The following HDGFL2 variants were observed in gnomAD, a reference collection of about 807,000 sequenced individuals.
HDGFL2 encodes the protein hepatoma-derived growth factor-related protein 2.
Under a neutral mutation model 77.1 loss-of-function variants are expected in HDGFL2, and 36 were observed. The ratio of observed to expected loss-of-function variants is 0.47; its 90% CI spans 0.36 to 0.62. The LOEUF (loss-of-function observed/expected upper bound fraction) is 0.62, where lower values mean the gene tolerates loss of function less well. HDGFL2 is among the 20% of genes least tolerant of loss of function. The pLI is 0.00. For missense variants in HDGFL2, 976 were observed against 973.4 expected, an observed-to-expected ratio of 1.00 and a Z score of -0.04; for synonymous variants, 463 against 413.1, an observed-to-expected ratio of 1.12 and a Z score of -1.46.
chr19:4,501,188 C>A lies in HDGFL2; in HGVS notation c.1790-3C>A. The A allele has an allele frequency of 6.2e-7, 1 of 1,613,196 alleles. No individual in the cohort carries two copies. The highest frequency in any genetic ancestry group is 1.1e-5 in the South Asian group (1 of 91,070). ...TGTCCTGTGACCCCTCTGTCCCACCCAGATCTCTCAGCCCCAGTGAATGGC... is the reference window on the plus strand; with the variant it reads ...TGTCCTGTGACCCCTCTGTCCCACCAAGATCTCTCAGCCCCAGTGAATGGC... On this transcript the variant is annotated splice_region_variant and splice_polypyrimidine_tract_variant and intron_variant, in intron 14 of 15. Transcript: ENST00000616600.
intron 10 of HDGFL2, chr19:4,497,718 G>A: frequency 1.8e-6 from 1 of 552,008 alleles, no homozygotes; most frequent in South Asian, 2.3e-5. Context: ...AGAATCCTGG[G>A]ATTTCATGAG....
In HDGFL2 at chr19:4,472,325, C is replaced by T. The variant is rs61606737; in HGVS notation, c.-26C>T. On this transcript the variant is annotated 5_prime_UTR_variant, in exon 1 of 16. Transcript: ENST00000616600. ...CGCTACCGCCGCTGCAGCCGCTTTC[C>T]GCGGCCTGGGCCTCTCGCCGTCAGC... 0.2 allele frequency: 301,581 copies of T among 1,475,418 alleles called. 35,622 individuals are homozygous for T. The highest frequency in any genetic ancestry group is 0.52 in the African/African-American group (35,323 of 68,498). The allele number at this position is 1,475,418 out of a possible 1,614,324, so 91.4% of individuals were successfully genotyped here.
chr19:4,476,385 G>A (rs1459832298), intron 3 of HDGFL2, among the ~76,000 whole-genome samples: 1 of 150,928 alleles, frequency 6.6e-6, no homozygotes, highest in Admixed American at 6.7e-5. Context: ...TAGAGACAGG[G>A]TTTCACCATG....
Position 4,476,028 on chromosome 19 carries a change from T to C in HDGFL2, c.288+445T>C, listed in dbSNP as rs558411330. ...CCTCAGCCTCCTGAGTAGCTGGGAC[T>C]ACAGGTGCCCGCCACCACACCCGGC... On this transcript the variant is annotated intron_variant, in intron 3 of 15. Coordinates refer to ENST00000616600, the MANE Select transcript of HDGFL2 (RefSeq NM_001001520.3). 1.1e-3 allele frequency among the ~76,000 whole-genome samples: 160 copies of C among 151,744 alleles called. 1 individual carries two copies. Among genetic ancestry groups the C allele is most frequent in the Non-Finnish European group, 2.9e-5 (2 of 67,942 alleles).
At chr19:4,483,505 C>G (rs1349444917) in intron 3 of HDGFL2, among the ~76,000 whole-genome samples, 3 of 152,224 alleles carry the variant, frequency 2.0e-5, no homozygotes, top group African/African-American at 7.2e-5. Context: ...CCGGGCATTT[C>G]TACTCAGACG....
At chr19:4,482,679 C>T (rs866300659) in intron 3 of HDGFL2, among the ~76,000 whole-genome samples, 4 of 152,296 alleles carry the variant, frequency 2.6e-5, no homozygotes, top group Middle Eastern at 3.4e-3. Context: ...ACCCAGGCTT[C>T]GAGGCCAAGA....
rs71168907 is a variant in HDGFL2, at chr19:4,484,666, A to ATTTTT, written c.289-3991_289-3987dup. Reference sequence around the variant, plus strand: ...AGGCACCCGCCATCACGCCTGGCTAATTTTTTTTTTTTTTTTTTTTTTTGA... The same window carrying ATTTTT: ...AGGCACCCGCCATCACGCCTGGCTAATTTTTTTTTTTTTTTTTTTTTTTTTTTTGA... On this transcript the variant is annotated intron_variant, in intron 3 of 15. Transcript: ENST00000616600. 1.2e-4 allele frequency among the ~76,000 whole-genome samples: 9 copies of ATTTTT among 74,116 alleles called. 2 individuals are homozygous for ATTTTT. The highest frequency in any genetic ancestry group is 3.4e-4 in the African/African-American group (6 of 17,494). 48.6% of individuals were successfully genotyped at this position (74,116 alleles called of 152,430 possible).
Position 4,491,596 on chromosome 19 carries a change from T to C in HDGFL2, c.520T>C (p.Ser174Pro), listed in dbSNP as rs1479548238. The C allele has an allele frequency of 6.2e-7, 1 of 1,613,718 alleles. No individual in the cohort carries two copies. The highest frequency in any genetic ancestry group is 8.5e-7 in the Non-Finnish European group (1 of 1,180,030). Residue 174 changes from serine (S) to proline (P), a missense_variant, in exon 5 of 16, where the codon TCC becomes CCC. Around this residue, in one of 5 missense-constraint regions of HDGFL2, gnomAD observed 567 missense variants for 534.7 expected, o/e 1.06. Transcript: ENST00000616600. ...GGTCTCGAAACGAGCCCGAAAGGCC[T>C]CCAGCGACCTGGATCAGGCCAGCGT... is the stretch of plus-strand genomic sequence containing the variant. Reference protein sequence around the residue: ...MSVSKRARKASSDLDQASVSP... With the variant: ...MSVSKRARKAPSDLDQASVSP...
chr19:4,500,564 C>T (rs962564518), intron 14 of HDGFL2, among the ~76,000 whole-genome samples: 2 of 146,968 alleles, frequency 1.4e-5, no homozygotes, highest in Non-Finnish European at 3.0e-5. Context: ...GGGTTCACGC[C>T]ATTCTCCTGC....
rs537007985 is a variant in HDGFL2 at position 4,502,111 on chromosome 19, CTGTT to C, written c.*105_*108del. ...GCAGAGAACTGTGGGGAACGCTGTG[CTGTT>C]TGTATTTGTTCCCTTGGGTTTTTTT... On this transcript the variant is annotated 3_prime_UTR_variant, in exon 16 of 16. Transcript: ENST00000616600. The C allele has an allele frequency of 1.2e-6, 1 of 857,702 alleles. No homozygotes were observed. 53.1% of individuals were successfully genotyped at this position (857,702 alleles called of 1,614,324 possible). A position where few individuals can be genotyped will look rare whatever the true frequency, so the allele number is the denominator to read the frequency against.
chr19:4,472,487 G>GCGGC, intron 1 of HDGFL2, 65 bp downstream of exon 1: 3 of 869,924 alleles, frequency 3.4e-6, no homozygotes. Flanking sequence ...CCCCGGGCCG[G>GCGGC]AGGCGGGCAC....
intron 3 of HDGFL2, among the ~76,000 whole-genome samples, chr19:4,478,396 T>G (rs1037419122): frequency 6.6e-6 from 1 of 151,906 alleles, no homozygotes; most frequent in Non-Finnish European, 1.5e-5. Flanking sequence ...GAGACGATGT[T>G]TCACCATGTT....
chr19:4,499,668 G>T lies in HDGFL2; in HGVS notation c.1753G>T (p.Ala585Ser). The T allele has an allele frequency of 2.6e-6, 4 of 1,560,704 alleles. No homozygotes were observed. Among genetic ancestry groups the T allele is most frequent in the Admixed American group, 3.7e-5 (2 of 53,388 alleles). Residue 585 changes from alanine (A) to serine (S), a missense_variant, in exon 14 of 16, where the codon GCC (alanine) becomes TCC (serine). Physicochemically the swap from Ala to Ser is moderately conservative, Grantham distance 99. Transcript: ENST00000616600. ...CGGGGAGGAGCTGGCCGGGGAGGAG[G>T]CCCCCCAGGAGAAGGCGGAGGACAA... ...LAGEELAGEE[A>S]PQEKAEDKPS...
chr19:4,498,938 G>A (rs188584483), intron 13 of HDGFL2, 23 bp downstream of exon 13: 55 of 1,529,324 alleles, frequency 3.6e-5, no homozygotes, highest in Admixed American at 1.8e-4. Flanking sequence ...AATCAGAGGC[G>A]CAGGGTGCAG....
chr19:4,480,416 T>C (rs1162864230), intron 3 of HDGFL2, among the ~76,000 whole-genome samples: 1 of 152,192 alleles, frequency 6.6e-6, no homozygotes, highest in East Asian at 1.9e-4. Flanking sequence ...TCCCGGGGAA[T>C]AACCTCTTAG....
At chr19:4,484,665 A>ATTTTTTT in intron 3 of HDGFL2, among the ~76,000 whole-genome samples, 1 of 47,282 alleles carries the variant, frequency 2.1e-5, no homozygotes, top group African/African-American at 1.0e-4. Flanking sequence ...ACGCCTGGCT[A>ATTTTTTT]ATTTTTTTTT....
chr19:4,500,713 G>A (rs1054658135), intron 14 of HDGFL2, among the ~76,000 whole-genome samples: 1 of 152,040 alleles, frequency 6.6e-6, no homozygotes, highest in Non-Finnish European at 1.5e-5. Context: ...CGCCCTCCTC[G>A]GCCTCCCAAA....
chr19:4,493,919 G>C, intron 7 of HDGFL2, 57 bp downstream of exon 7: 1 of 1,540,260 alleles, frequency 6.5e-7, no homozygotes, highest in Non-Finnish European at 8.8e-7. Context: ...GCGCTCCCAG[G>C]CAGTCCCCTG....
chr19:4,502,129 T>C lies in HDGFL2; in HGVS notation c.*119T>C. 3.9e-6 allele frequency: 3 copies of C among 776,518 alleles called. No homozygotes were observed. The highest frequency in any genetic ancestry group is 1.5e-5 in the South Asian group (1 of 66,190). 48.1% of individuals were successfully genotyped at this position (776,518 alleles called of 1,614,324 possible). Reference sequence around the variant, plus strand: ...CGCTGTGCTGTTTGTATTTGTTCCCTTGGGTTTTTTTTTCCTGCCTAATTT... The same window carrying C: ...CGCTGTGCTGTTTGTATTTGTTCCCCTGGGTTTTTTTTTCCTGCCTAATTT... On this transcript the variant is annotated 3_prime_UTR_variant, in exon 16 of 16. Transcript: ENST00000616600.
Sources: allele counts gnomAD v4.1 joint callset (sites outside exome capture counted in the v4.1 genomes callset), GRCh38; gene constraint gnomAD v4.1.1; regional missense constraint gnomAD v4.1.1; transcripts MANE v1.5; gene names NCBI Gene and HGNC (gene_info 2026-07-23, HGNC 2026-07-21).